Variants in NSUN3 observed in about 807,000 individuals in gnomAD.
NSUN3 encodes tRNA (cytosine(34)-C(5))-methyltransferase, mitochondrial.
A neutral mutation model predicts 36.8 loss-of-function variants in NSUN3; 24 were observed. The ratio of observed to expected loss-of-function variants is 0.65; its 90% CI spans 0.47 to 0.92. NSUN3 has a LOEUF of 0.92. NSUN3 is among the 40% of genes least tolerant of loss of function. The pLI is 0.00. For missense variants in NSUN3, 381 were observed against 392.8 expected, an observed-to-expected ratio of 0.97 and a Z score of 0.25; for synonymous variants, 146 against 145.2, an observed-to-expected ratio of 1.01 and a Z score of -0.04.
intron 2 of NSUN3, among the ~76,000 whole-genome samples, chr3:94,072,755 TA>T (rs1402934616): frequency 3.3e-5 from 5 of 152,100 alleles, no homozygotes; most frequent in Admixed American, 3.3e-4. Flanking sequence ...AAGAATGAGA[TA>T]GAGTAATTTC....
intron 2 of NSUN3, among the ~76,000 whole-genome samples, chr3:94,066,932 C>T (rs1172330810): frequency 6.6e-6 from 1 of 152,168 alleles, no homozygotes; most frequent in Admixed American, 6.5e-5. Context: ...AAAAATAGGT[C>T]TGGCAACTGC....
chr3:94,124,128 T>G (rs2077475132), intron 5 of NSUN3, among the ~76,000 whole-genome samples: 1 of 151,124 alleles, frequency 6.6e-6, no homozygotes, highest in South Asian at 2.1e-4. Context: ...AAGTTTATTT[T>G]CTATTTTATT....
In NSUN3 at chr3:94,128,839, A is replaced by G. The variant is rs2077498755; in HGVS notation, c.*2349A>G. 6.6e-6 allele frequency among the ~76,000 whole-genome samples: 1 copy of G among 152,154 alleles called. No homozygotes were observed. The highest frequency in any genetic ancestry group is 2.1e-4 in the South Asian group (1 of 4,830). ...ATTAAAAACTGAGCAAAGGACATGA[A>G]CAGACATTTCTCAAAAGAAGACATT... On this transcript the variant is annotated 3_prime_UTR_variant, in exon 6 of 6. Coordinates refer to ENST00000314622, the MANE Select transcript of NSUN3 (RefSeq NM_022072.5).
At chr3:94,111,941 C>G (rs57068585) in intron 5 of NSUN3, among the ~76,000 whole-genome samples, 3 of 150,480 alleles carry the variant, frequency 2.0e-5, no homozygotes, top group African/African-American at 7.3e-5. Flanking sequence ...GTCTTTCTAT[C>G]GAGAGAGAGA....
At chr3:94,115,755 C>G (rs966206121) in intron 5 of NSUN3, among the ~76,000 whole-genome samples, 2 of 152,168 alleles carry the variant, frequency 1.3e-5, no homozygotes. Context: ...CTAATTAACA[C>G]TGACCCTCCC....
chr3:94,085,940 T>C (rs73156384), intron 3 of NSUN3, among the ~76,000 whole-genome samples: 1 of 151,432 alleles, frequency 6.6e-6, no homozygotes, highest in Non-Finnish European at 1.5e-5. Flanking sequence ...CAAAAGGCAG[T>C]GTTGCCTTTT....
chr3:94,085,065 C>A (rs188770066), intron 3 of NSUN3: 1 of 152,026 alleles, frequency 6.6e-6, no homozygotes, highest in African/African-American at 2.4e-5. Context: ...AAATTGGTTA[C>A]GTTACAGTTA....
At chr3:94,085,819 A>T (rs1560032843) in intron 3 of NSUN3, among the ~76,000 whole-genome samples, 1 of 152,184 alleles carries the variant, frequency 6.6e-6, no homozygotes, top group Non-Finnish European at 1.5e-5. Context: ...GTAGCCTCAG[A>T]TCACATACAG....
rs540908081 is a variant in NSUN3 at position 94,077,113 on chromosome 3, T to C, written c.123-6994T>C. The C allele has an allele frequency of 1.0e-3, 788 of 766,888 alleles. 1 individual carries two copies. Among genetic ancestry groups the C allele is most frequent in the Non-Finnish European group, 1.5e-3 (612 of 412,324 alleles). 47.5% of individuals were successfully genotyped at this position (766,888 alleles called of 1,614,324 possible). On this transcript the variant is annotated intron_variant, in intron 2 of 5. Coordinates refer to ENST00000314622, the MANE Select transcript of NSUN3 (RefSeq NM_022072.5). The stretch of plus-strand genomic sequence containing the variant: ...AGGGGTGTTCTTTTTCCATATTTTG[T>C]ACTCCTTATGGATCACTCATTCTTC...
rs2077500006 is a variant in NSUN3 at position 94,129,239 on chromosome 3, T to C, written c.*2749T>C. Among the ~76,000 whole-genome samples the C allele has an allele frequency of 6.6e-6, 1 of 152,180 alleles. No homozygotes were observed. The highest frequency in any genetic ancestry group is 1.5e-5 in the Non-Finnish European group (1 of 68,040). ...ACAGTAATATTTACAATAGTAAAGA[T>C]ACGGAATCAACCTAACCGCCCATCA... On this transcript the variant is annotated 3_prime_UTR_variant, in exon 6 of 6. Coordinates refer to ENST00000314622, the MANE Select transcript of NSUN3 (RefSeq NM_022072.5).
chr3:94,115,654 C>T (rs1372534509), intron 5 of NSUN3, among the ~76,000 whole-genome samples: 1 of 152,108 alleles, frequency 6.6e-6, no homozygotes, highest in Non-Finnish European at 1.5e-5. Context: ...AAATCACTCT[C>T]GTTTCGGTCA....
Position 94,130,191 on chromosome 3 carries a change from G to A in NSUN3, c.*3701G>A, listed in dbSNP as rs2077504243. Among the ~76,000 whole-genome samples the A allele has an allele frequency of 6.6e-6, 1 of 152,174 alleles. No individual in the cohort carries two copies. The highest frequency in any genetic ancestry group is 6.5e-5 in the Admixed American group (1 of 15,284). ...CTGGTAAGTAAAGGGTTCAGCCAAT[G>A]TATAGACAGACTGTATAGATATATG... On this transcript the variant is annotated 3_prime_UTR_variant, in exon 6 of 6. Transcript: ENST00000314622.
intron 3 of NSUN3, among the ~76,000 whole-genome samples, 197 bp from the exon 4 acceptor site, chr3:94,093,943 G>A (rs541989635): frequency 5.3e-5 from 8 of 152,222 alleles, no homozygotes; most frequent in African/African-American, 1.9e-4. Context: ...TATGTAGTAG[G>A]TATGTGCATC....
chr3:94,099,827 C>A lies in NSUN3; in HGVS notation c.743+4673C>A, dbSNP rs566535124. The stretch of plus-strand genomic sequence containing the variant: ...ATGAAAAAAAAAAAAGACTATAGCA[C>A]TTTTATCATCAGGAATAGCTCTATT... On this transcript the variant is annotated intron_variant, in intron 5 of 5. Transcript: ENST00000314622. Among the ~76,000 whole-genome samples the A allele has an allele frequency of 7.5e-4, 113 of 151,582 alleles. 1 individual carries two copies. The highest frequency in any genetic ancestry group is 2.7e-3 in the African/African-American group (110 of 41,390).
At chr3:94,120,356 C>G (rs1210997662) in intron 5 of NSUN3, among the ~76,000 whole-genome samples, 1 of 152,132 alleles carries the variant, frequency 6.6e-6, no homozygotes, top group African/African-American at 2.4e-5. Context: ...TGTTGTACTA[C>G]CAATCTCCAG....
At chr3:94,107,169 G>T (rs1257394379) in intron 5 of NSUN3, among the ~76,000 whole-genome samples, 7 of 151,874 alleles carry the variant, frequency 4.6e-5, no homozygotes, top group Admixed American at 4.6e-4. Flanking sequence ...GGGCTCAAGC[G>T]ATCCGCCTGC....
intron 5 of NSUN3, among the ~76,000 whole-genome samples, chr3:94,118,049 G>C (rs2077447483): frequency 6.6e-6 from 1 of 152,150 alleles, no homozygotes; most frequent in Non-Finnish European, 1.5e-5. Flanking sequence ...GGAAATTGTA[G>C]TTAACAATAA....
intron 3 of NSUN3, among the ~76,000 whole-genome samples, chr3:94,089,289 T>C (rs1371699512): frequency 6.6e-6 from 1 of 152,180 alleles, no homozygotes; most frequent in East Asian, 1.9e-4. Context: ...TTAGCTGTTA[T>C]CACACTGCCT....
chr3:94,131,339 C>T lies in NSUN3; in HGVS notation c.*4849C>T, dbSNP rs1386436195. ...GTAGAGCCGCGATCAAAACTGGCTCCGAGGTCCAGGCCCTTTTCCCAACAC... is the reference window on the plus strand; with the variant it reads ...GTAGAGCCGCGATCAAAACTGGCTCTGAGGTCCAGGCCCTTTTCCCAACAC... On this transcript the variant is annotated 3_prime_UTR_variant, in exon 6 of 6. Transcript: ENST00000314622. 2.6e-5 allele frequency among the ~76,000 whole-genome samples: 4 copies of T among 152,158 alleles called. No homozygotes were observed. Among genetic ancestry groups the T allele is most frequent in the Admixed American group, 2.0e-4 (3 of 15,280 alleles).
Sources: allele counts gnomAD v4.1 joint callset (sites outside exome capture counted in the v4.1 genomes callset), GRCh38; gene constraint gnomAD v4.1.1; transcripts MANE v1.5; gene names NCBI Gene and HGNC (gene_info 2026-07-23, HGNC 2026-07-21).